RNF220: variants seen among roughly 807,000 people sequenced by gnomAD.
RNF220 encodes ring finger protein 220.
A neutral mutation model predicts 67.1 loss-of-function variants in RNF220; 7 were observed. That is an observed-to-expected ratio of 0.10 (90% CI 0.06 to 0.20). RNF220 has a LOEUF of 0.20. Among genes scored for constraint, RNF220 ranks in the 10% least tolerant of loss-of-function variants. The probability of loss-of-function intolerance (pLI) is 1.00; values close to 1 mark genes in which losing one functional copy is unlikely to be tolerated. For synonymous variants in RNF220, 270 were observed against 283.2 expected (o/e 0.95, Z 0.47); for missense variants, 565 against 740.3 (o/e 0.76, Z 2.75).
chr1:44,618,906 G>A (rs1401427517), intron 3 of RNF220, among the ~76,000 whole-genome samples: 3 of 152,168 alleles, frequency 2.0e-5, no homozygotes, highest in Non-Finnish European at 2.9e-5. Context: ...TTATTGGGAG[G>A]AAGCTTTCTA....
Position 44,582,630 on chromosome 1 carries a change from G to C in RNF220, c.626-31535G>C, listed in dbSNP as rs539846775. Among the ~76,000 whole-genome samples the C allele has an allele frequency of 2.6e-5, 4 of 151,004 alleles. No homozygotes were observed. In the East Asian group the frequency reaches 7.8e-4, roughly 29 times the overall value. On this transcript the variant is annotated intron_variant, in intron 2 of 14. Transcript: ENST00000361799. ...AAATTAGCTGGGCGTGGTGGCAGGC[G>C]CCTCTAATCCCAGCTACTCAGGAGG...
intron 2 of RNF220, among the ~76,000 whole-genome samples, chr1:44,612,395 C>T (rs1253967523): frequency 6.6e-6 from 1 of 152,214 alleles, no homozygotes; most frequent in Non-Finnish European, 1.5e-5. Context: ...GTTCAATTGC[C>T]TGATATACTT....
intron 2 of RNF220, among the ~76,000 whole-genome samples, chr1:44,539,974 G>C (rs946899593): frequency 6.6e-6 from 1 of 152,202 alleles, no homozygotes; most frequent in African/African-American, 2.4e-5. Flanking sequence ...CCTGACCTCT[G>C]TCTAGCCTGC....
intron 2 of RNF220, among the ~76,000 whole-genome samples, chr1:44,530,748 G>A (rs921375107): frequency 2.6e-5 from 4 of 152,090 alleles, no homozygotes; most frequent in African/African-American, 9.7e-5. Context: ...GGCAGATCAT[G>A]AGGTCAGGAG....
At chr1:44,508,175 G>A (rs1255272331) in intron 2 of RNF220, among the ~76,000 whole-genome samples, 2 of 151,612 alleles carry the variant, frequency 1.3e-5, no homozygotes, top group Non-Finnish European at 2.9e-5. Flanking sequence ...TCCCGAGGCA[G>A]GGTTGGGCGG....
intron 2 of RNF220, among the ~76,000 whole-genome samples, chr1:44,524,396 G>A (rs1453643156): frequency 7.9e-5 from 12 of 152,240 alleles, no homozygotes; most frequent in Non-Finnish European, 8.8e-5. Flanking sequence ...GGGGCAGAGA[G>A]TGAAAGGCCG....
intron 3 of RNF220, among the ~76,000 whole-genome samples, chr1:44,620,336 A>G (rs72671944): frequency 0.062 from 9,437 of 152,274 alleles, 706 homozygotes; most frequent in African/African-American, 0.17. Context: ...GTGTACAATC[A>G]TTGTTCATTC....
At chr1:44,485,166 T>G (rs1440945909) in intron 2 of RNF220, among the ~76,000 whole-genome samples, 1 of 152,102 alleles carries the variant, frequency 6.6e-6, no homozygotes, top group Admixed American at 6.6e-5. Context: ...GTTGCTTAGG[T>G]AATTGTTCTG....
At chr1:44,442,137 TTTC>T (rs1181063391) in intron 2 of RNF220, among the ~76,000 whole-genome samples, 1 of 152,160 alleles carries the variant, frequency 6.6e-6, no homozygotes, top group Non-Finnish European at 1.5e-5. Context: ...TTTCTTTTTT[TTTC>T]TTTTTTGACA....
At chr1:44,424,928 G>A (rs899316082) in intron 2 of RNF220, among the ~76,000 whole-genome samples, 2 of 152,250 alleles carry the variant, frequency 1.3e-5, no homozygotes, top group Non-Finnish European at 2.9e-5. Flanking sequence ...GAAGGGGCTG[G>A]AGAGGGTTTG....
At chr1:44,550,173 C>T (rs976901059) in intron 2 of RNF220, among the ~76,000 whole-genome samples, 1 of 152,244 alleles carries the variant, frequency 6.6e-6, no homozygotes. Flanking sequence ...CTCCTGATTC[C>T]TGACTGGTGT....
rs561320190 is a variant in RNF220 at position 44,649,888 on chromosome 1, G to A, written c.1560G>A (p.Ser520=). The change falls in exon 14 of 15, where the codon TCG becomes TCA. Residue 520 remains serine (S), a synonymous_variant. Transcript: ENST00000361799. This position sits in a 1 kb window ranked among gnomAD's most constrained non-coding sequence, Gnocchi z 5.9. ...DRYKCLICMD[S]YSMPLTSIQC... ...CTCTGCCCCCTCCTCCCTAGGACTC[G>A]TACTCGATGCCCCTAACGTCCATCC... 81 of 1,614,000 alleles carry A rather than the reference G, an allele frequency of 5.0e-5. No homozygotes were observed. The highest frequency in any genetic ancestry group is 2.9e-4 in the South Asian group (26 of 91,086).
intron 2 of RNF220, among the ~76,000 whole-genome samples, chr1:44,597,797 G>A (rs752277803): frequency 6.6e-6 from 1 of 151,854 alleles, no homozygotes; most frequent in Non-Finnish European, 1.5e-5. Context: ...ACTCTTACAT[G>A]GACCTCTTTC....
At chr1:44,646,647 G>A (rs1029734199) in intron 12 of RNF220, among the ~76,000 whole-genome samples, 2 of 152,214 alleles carry the variant, frequency 1.3e-5, no homozygotes, top group African/African-American at 2.4e-5. Context: ...CAGGGATGGC[G>A]CCCGAGGGGG....
chr1:44,417,471 G>C lies in RNF220; in HGVS notation c.625+4749G>C, dbSNP rs551894246. On this transcript the variant is annotated intron_variant, in intron 2 of 14. Transcript: ENST00000361799. This position sits in a 1 kb window ranked among gnomAD's most constrained non-coding sequence, Gnocchi z 4.0. The stretch of plus-strand genomic sequence containing the variant: ...GGCCTGGCTTGGCTTGGCTCGGCGC[G>C]CCGCTCGCCTGGCGGCTGGGCTCGC... Among the ~76,000 whole-genome samples, 6 of 152,300 alleles carry C rather than the reference G, an allele frequency of 3.9e-5. No individual in the cohort carries two copies. The highest frequency in any genetic ancestry group is 7.4e-5 in the Non-Finnish European group (5 of 68,026).
chr1:44,489,998 G>GTT (rs1223129912), intron 2 of RNF220, among the ~76,000 whole-genome samples: 1 of 152,008 alleles, frequency 6.6e-6, no homozygotes, highest in Non-Finnish European at 1.5e-5. Flanking sequence ...AATGTACTTT[G>GTT]TTAGAACTAA....
At chr1:44,423,585 A>T (rs1649447531) in intron 2 of RNF220, among the ~76,000 whole-genome samples, 1 of 152,096 alleles carries the variant, frequency 6.6e-6, no homozygotes, top group African/African-American at 2.4e-5. Flanking sequence ...CAGAGTAGAT[A>T]CTCTGGAAAT....
At chr1:44,524,454 C>T (rs1483466492) in intron 2 of RNF220, among the ~76,000 whole-genome samples, 1 of 152,150 alleles carries the variant, frequency 6.6e-6, no homozygotes, top group Non-Finnish European at 1.5e-5. Context: ...CCCCCACCTC[C>T]CTCCTTCCAC....
At chr1:44,446,514 A>C (rs1411018367) in intron 2 of RNF220, among the ~76,000 whole-genome samples, 1 of 151,350 alleles carries the variant, frequency 6.6e-6, no homozygotes, top group Non-Finnish European at 1.5e-5. Context: ...TTCAGCTAAG[A>C]CTGTCTTTGC....
Sources: allele counts gnomAD v4.1 joint callset (sites outside exome capture counted in the v4.1 genomes callset), GRCh38; gene constraint gnomAD v4.1.1; non-coding constraint Gnocchi (gnomAD v3.1); transcripts MANE v1.5; gene names NCBI Gene and HGNC (gene_info 2026-07-23, HGNC 2026-07-21).